PHF19: variants seen among roughly 807,000 people sequenced by gnomAD.
The protein encoded by PHF19 is polycomb like 3.
PHF19 carries 21 observed loss-of-function variants against 79.8 expected under a neutral mutation model. The observed-to-expected ratio is 0.26, with a 90% CI of 0.19 to 0.38. The LOEUF (loss-of-function observed/expected upper bound fraction) is 0.38. Among genes scored for constraint, PHF19 ranks in the 10% least tolerant of loss-of-function variants. The probability of loss-of-function intolerance (pLI) is 1.00; values close to 1 mark genes in which losing one functional copy is unlikely to be tolerated. For missense variants in PHF19, 445 were observed against 744.2 expected (o/e 0.60, Z 4.68); for synonymous variants, 273 against 296.3 (o/e 0.92, Z 0.81).
intron 1 of PHF19, among the ~76,000 whole-genome samples, chr9:120,883,800 AGCTAGGGGGTGGG>A (rs2046224790): frequency 6.7e-6 from 1 of 149,266 alleles, no homozygotes; most frequent in South Asian, 2.1e-4. Flanking sequence ...CCTGGTCCAG[AGCTAGGGGGTGGG>A]GCTAGGGGGA....
intron 1 of PHF19, among the ~76,000 whole-genome samples, chr9:120,883,486 C>T (rs534373382): frequency 4.2e-4 from 64 of 152,282 alleles, no homozygotes; most frequent in Non-Finnish European, 7.4e-4. Flanking sequence ...CAGCCGGGCA[C>T]GGTGGCTCAT....
chr9:120,878,985 G>A (rs898766805), upstream of PHF19, among the ~76,000 whole-genome samples: 5 of 152,164 alleles, frequency 3.3e-5, no homozygotes, highest in Non-Finnish European at 1.5e-5. Flanking sequence ...ATGATAGAGC[G>A]AAGTGCTCAC....
In PHF19 at chr9:120,869,821, G is replaced by T. The variant is rs147595469; in HGVS notation, c.465+24C>A. On this transcript the variant is annotated intron_variant, in intron 5 of 14. Coordinates refer to ENST00000373896, the MANE Select transcript of PHF19 (RefSeq NM_015651.3). This position sits in a 1 kb window ranked among gnomAD's most constrained non-coding sequence, Gnocchi z 5.8. ...CACTGGAGGAGGCAGGAGAGGCAGG[G>T]ACTGGGGAGGATGGAAGGCTCACCC... 3.7e-6 allele frequency: 6 copies of T among 1,612,992 alleles called. No homozygotes were observed. The African/African-American group carries it at 5.3e-5, about 14-fold the overall frequency.
the PHF19 span, among the ~76,000 whole-genome samples, chr9:120,900,498 C>T: frequency 6.6e-6 from 1 of 152,214 alleles, no homozygotes; most frequent in African/African-American, 2.4e-5. Context: ...CAGTAGTACT[C>T]TCTGGACACT....
chr9:120,881,469 GTA>G (rs1210365090), upstream of PHF19, among the ~76,000 whole-genome samples: 2 of 151,884 alleles, frequency 1.3e-5, no homozygotes, highest in Non-Finnish European at 2.9e-5. Flanking sequence ...AATTCTATCT[GTA>G]TGTTTTATTT....
chr9:120,884,418 TATGAG>T (rs58045074), intron 1 of PHF19, among the ~76,000 whole-genome samples: 103,610 of 151,372 alleles, frequency 0.68, 35,694 homozygotes, highest in Middle Eastern at 0.8. Flanking sequence ...AGAGGAAATG[TATGAG>T]ATGAGAGCTG....
chr9:120,861,788 T>C (rs2045534619), intron 12 of PHF19, 130 bp downstream of exon 12: 3 of 741,494 alleles, frequency 4.0e-6, no homozygotes. Context: ...TTAGCTGTAA[T>C]AGGGACTGGC....
upstream of PHF19, among the ~76,000 whole-genome samples, chr9:120,878,890 G>A (rs1930777): frequency 0.17 from 25,169 of 152,138 alleles, 3,433 homozygotes; most frequent in African/African-American, 0.37. Context: ...TGTGTCCAAC[G>A]CGGGTAGGGC....
chr9:120,898,715 C>T (rs1303736350), upstream of PHF19, among the ~76,000 whole-genome samples: 2 of 152,186 alleles, frequency 1.3e-5, no homozygotes, highest in Non-Finnish European at 2.9e-5. Context: ...AGTCCTGGCT[C>T]CTGGTGCTTG....
In PHF19 at chr9:120,866,156, TCCAGCC is replaced by T; in HGVS notation, c.711-66_711-61del. On this transcript the variant is annotated intron_variant, in intron 7 of 14. Coordinates refer to ENST00000373896, the MANE Select transcript of PHF19 (RefSeq NM_015651.3). The surrounding 1 kb of genome is among the most constrained non-coding windows in gnomAD (Gnocchi z 5.2). ...AGGGGCTCTGACACCCCCACCCCAG[TCCAGCC>T]CCTTGATCTCCTCATTCCCCACCTA... 8.3e-7 allele frequency: 1 copy of T among 1,209,000 alleles called. No homozygotes were observed. Among genetic ancestry groups the T allele is most frequent in the Non-Finnish European group, 1.2e-6 (1 of 811,294 alleles). The allele number at this position is 1,209,000 out of a possible 1,614,324, so 74.9% of individuals were successfully genotyped here.
At position 120,877,075 on chromosome 9, in the gene PHF19, A is replaced by G. The variant is rs1384332440; in HGVS notation, c.-16+16T>C. The G allele has an allele frequency of 6.1e-6, 6 of 985,298 alleles. No individual in the cohort carries two copies. The highest frequency in any genetic ancestry group is 7.2e-6 in the Non-Finnish European group (6 of 829,888). The allele number at this position is 985,298 out of a possible 1,614,324, so 61.0% of individuals were successfully genotyped here. ...GAGAGCGTGGCGGGGAGTCCGCCCA[A>G]CAGCGCAGAACTCACCGCGAGGCTG... On this transcript the variant is annotated intron_variant, in intron 1 of 14. Coordinates refer to ENST00000373896, the MANE Select transcript of PHF19 (RefSeq NM_015651.3).
At chr9:120,877,402 C>A (rs962042641), upstream of PHF19, 8 of 973,978 alleles carry the variant, frequency 8.2e-6, no homozygotes, top group Non-Finnish European at 9.7e-6. Flanking sequence ...CATTGGAGCC[C>A]GCGGCCGCCG....
Position 120,873,981 on chromosome 9 carries a change from T to A in PHF19, c.266A>T (p.His89Leu). The change falls in exon 3 of 15, where the codon CAT becomes CTT. Residue 89 changes from histidine to leucine, a missense_variant and splice_region_variant. His to Leu is a moderately conservative substitution (Grantham distance 99). Coordinates refer to ENST00000373896, the MANE Select transcript of PHF19 (RefSeq NM_015651.3). ...KYWVLWKDIQ[H>L]AGVPGEEPKC... The stretch of plus-strand genomic sequence containing the variant: ...CCCGAAATGTTAGGAAAACTCACCA[T>A]GCTGTATGTCCTTCCATAGGACCCA... The A allele has an allele frequency of 6.4e-7, 1 of 1,563,606 alleles. No homozygotes were observed. Among genetic ancestry groups the A allele is most frequent in the Non-Finnish European group, 8.8e-7 (1 of 1,134,574 alleles).
intron 1 of PHF19, chr9:120,894,694 G>T (rs1483469527): frequency 2.1e-6 from 1 of 482,232 alleles, no homozygotes. Context: ...CGCTCAATGC[G>T]TTCCATATGG....
chr9:120,901,502 C>T, the PHF19 span, among the ~76,000 whole-genome samples: 1 of 152,154 alleles, frequency 6.6e-6, no homozygotes, highest in Non-Finnish European at 1.5e-5. Context: ...GCTGCAAATA[C>T]CTGATTTCTA....
chr9:120,861,535 A>G (rs1170496615), intron 12 of PHF19, among the ~76,000 whole-genome samples: 2 of 152,190 alleles, frequency 1.3e-5, no homozygotes, highest in African/African-American at 4.8e-5. Flanking sequence ...ACTACTGCCC[A>G]CAGGGAGGGC....
At chr9:120,903,194 T>C in the PHF19 span, 1 of 152,250 alleles carries the variant, frequency 6.6e-6, no homozygotes, top group Non-Finnish European at 1.5e-5. Context: ...TGCCACGCTG[T>C]CAGCCGTGGG....
Position 120,867,027 on chromosome 9 carries a change from G to A in PHF19, c.615-62C>T. ...CACCCCCAGTCAGGTATGAGCTTCG[G>A]CAACCTTTCCCAAGTTAAATTTGCC... On this transcript the variant is annotated intron_variant, in intron 6 of 14. Transcript: ENST00000373896. 4 of 955,042 alleles carry A rather than the reference G, an allele frequency of 4.2e-6. No individual in the cohort carries two copies. In the South Asian group the frequency reaches 5.2e-5, roughly 13 times the overall value. 59.2% of individuals were successfully genotyped at this position (955,042 alleles called of 1,614,324 possible). A position where few individuals can be genotyped will look rare whatever the true frequency, so the allele number is the denominator to read the frequency against.
At position 120,888,040 on chromosome 9, in the gene PHF19, T is replaced by C. The variant is rs552429955; in HGVS notation, c.42+6748A>G. Among the ~76,000 whole-genome samples, 880 of 152,314 alleles carry C rather than the reference T, an allele frequency of 5.8e-3. 11 individuals carry two copies. The highest frequency in any genetic ancestry group is 0.02 in the African/African-American group (830 of 41,568). The stretch of plus-strand genomic sequence containing the variant: ...CAGACTGGAGTGCAGTCGCACGATC[T>C]CAGCTCACTGCAACCTCTGCCTCCC... On this transcript the variant is annotated intron_variant, in intron 1 of 14. Coordinates refer to the PHF19 transcript ENST00000616568.
Sources: allele counts gnomAD v4.1 joint callset (sites outside exome capture counted in the v4.1 genomes callset), GRCh38; gene constraint gnomAD v4.1.1; non-coding constraint Gnocchi (gnomAD v3.1); transcripts MANE v1.5; gene names NCBI Gene and HGNC (gene_info 2026-07-23, HGNC 2026-07-21).